Variants in HHLA1 observed in about 807,000 individuals in gnomAD.
HHLA1 encodes the protein HHLA1 neighbor of OC90.
A neutral mutation model predicts 69.9 loss-of-function variants in HHLA1; 72 were observed. The observed-to-expected ratio is 1.03, with a 90% confidence interval of 0.85 to 1.25. HHLA1 has a LOEUF of 1.25. Ranked by LOEUF, HHLA1 falls within the 50% of genes most tolerant of loss-of-function variation. The pLI is 0.00. For missense variants in HHLA1, 685 were observed against 642.2 expected (o/e 1.07, Z -0.72); for synonymous variants, 252 against 233.2 (o/e 1.08, Z -0.73).
intron 11 of HHLA1, 124 bp downstream of exon 11, chr8:132,079,594 G>T: frequency 9.4e-7 from 1 of 1,060,600 alleles, no homozygotes; most frequent in Non-Finnish European, 1.3e-6. Flanking sequence ...ATTTAAGTAA[G>T]CTGAAGCGTA....
At chr8:132,105,374 C>A in intron 1 of HHLA1, 88 bp from the exon 2 acceptor site, 1 of 854,034 alleles carries the variant, frequency 1.2e-6, no homozygotes, top group Non-Finnish European at 1.9e-6. Flanking sequence ...TCATTAAAAT[C>A]ACAATCTGAA....
chr8:132,095,406 G>A, intron 7 of HHLA1, 113 bp downstream of exon 7: 1 of 648,388 alleles, frequency 1.5e-6, no homozygotes, highest in Non-Finnish European at 2.7e-6. Flanking sequence ...ATGGTTAAGG[G>A]TAGTGGATAG....
chr8:132,104,752 A>G (rs556045318), intron 2 of HHLA1, among the ~76,000 whole-genome samples: 171 of 152,278 alleles, frequency 1.1e-3, no homozygotes, highest in Non-Finnish European at 1.3e-3. Context: ...CCTGAAAAGG[A>G]CCTGGTACAC....
chr8:132,083,200 A>G (rs6981108), intron 10 of HHLA1, among the ~76,000 whole-genome samples: 99,779 of 151,784 alleles, frequency 0.66, 33,012 homozygotes, highest in South Asian at 0.74. Flanking sequence ...TAGTTAAAGT[A>G]TCTCAGCCTA....
intron 15 of HHLA1, among the ~76,000 whole-genome samples, chr8:132,066,840 T>C (rs1823448709): frequency 6.6e-6 from 1 of 152,132 alleles, no homozygotes. Flanking sequence ...CCCCAAGGGA[T>C]TTCTGGTGGT....
Position 132,063,833 on chromosome 8 carries a change from G to C in HHLA1, c.*162C>G, listed in dbSNP as rs994236292. On this transcript the variant is annotated 3_prime_UTR_variant, in exon 17 of 17. Transcript: ENST00000414222. ...ATGTTTTGCACAGATTCACAGGAGA[G>C]GGAAAAAAAATGCTACTTCCAAGAA... The C allele has an allele frequency of 4.5e-5, 12 of 265,604 alleles. No individual in the cohort carries two copies. Among genetic ancestry groups the C allele is most frequent in the Non-Finnish European group, 8.6e-5 (11 of 128,172 alleles). The allele number at this position is 265,604 out of a possible 1,614,324, so 16.5% of individuals were successfully genotyped here. A position where few individuals can be genotyped will look rare whatever the true frequency, so the allele number is the denominator to read the frequency against.
intron 14 of HHLA1, among the ~76,000 whole-genome samples, chr8:132,074,895 G>T (rs965241818): frequency 1.3e-5 from 2 of 152,044 alleles, no homozygotes; most frequent in African/African-American, 4.8e-5. Flanking sequence ...TACCTATTAG[G>T]TAAGTAGATA....
At chr8:132,084,183 C>T (rs1185634513) in intron 10 of HHLA1, among the ~76,000 whole-genome samples, 11 of 151,906 alleles carry the variant, frequency 7.2e-5, no homozygotes, top group East Asian at 3.9e-4. Flanking sequence ...AGTCAGGGAA[C>T]GAAACTGTAA....
intron 5 of HHLA1, among the ~76,000 whole-genome samples, chr8:132,096,447 C>T (rs192943303): frequency 6.6e-6 from 1 of 152,316 alleles, no homozygotes; most frequent in Admixed American, 6.5e-5. Context: ...GTAGTATTCA[C>T]AGATTCTGGT....
intron 12 of HHLA1, among the ~76,000 whole-genome samples, chr8:132,077,516 G>A (rs747002417): frequency 5.3e-5 from 8 of 151,970 alleles, no homozygotes; most frequent in Non-Finnish European, 1.2e-4. Context: ...GAGGAACTGG[G>A]GAATGAAAGA....
In HHLA1 at chr8:132,064,020, A is replaced by G; in HGVS notation, c.1571T>C (p.Leu524Pro). Residue 524 changes from leucine to proline, a missense_variant, in exon 17 of 17, where the codon CTT (leucine) becomes CCT (proline). Coordinates refer to ENST00000414222, the MANE Select transcript of HHLA1 (RefSeq NM_001145095.3). ...TCACACAGACTTGCAGATATTCTCA[A>G]GGCACTTTTGCTTTAAGGCTGAAAA... ...SHSHTLKQKC[L>P]ENICKSV is the part of the protein sequence containing the mutation. 4.6e-6 allele frequency: 6 copies of G among 1,303,938 alleles called. 1 individual carries two copies. The South Asian group carries it at 7.4e-5, about 16-fold the overall frequency. The allele number at this position is 1,303,938 out of a possible 1,614,324, so 80.8% of individuals were successfully genotyped here.
In HHLA1 at chr8:132,077,907, C is replaced by G. The variant is rs571983359; in HGVS notation, c.990G>C (p.Ser330=). The change falls in exon 12 of 17, where the codon TCG becomes TCC. Residue 330 remains serine, a synonymous_variant. Transcript: ENST00000414222. The stretch of plus-strand genomic sequence containing the variant: ...TGATGGTCTGAGCCCAGGGCACGGA[C>G]GATATGGAAGCCCACGTCTGTCTGT... ...TADRQTWASI[S]SVPWAQTISE... 2.4e-5 allele frequency: 38 copies of G among 1,551,522 alleles called. No homozygotes were observed. Among genetic ancestry groups the G allele is most frequent in the Non-Finnish European group, 3.3e-5 (38 of 1,146,928 alleles).
rs1476783600 is a variant in HHLA1, at chr8:132,062,752, A to G, written c.*1243T>C. The G allele has an allele frequency of 6.6e-6, 1 of 152,264 alleles. No homozygotes were observed. Among genetic ancestry groups the G allele is most frequent in the Non-Finnish European group, 1.5e-5 (1 of 68,082 alleles). The allele number at this position is 152,264 out of a possible 1,614,324, so 9.4% of individuals were successfully genotyped here. On this transcript the variant is annotated 3_prime_UTR_variant, in exon 17 of 17. Coordinates refer to ENST00000414222, the MANE Select transcript of HHLA1 (RefSeq NM_001145095.3). ...GGCAAATCAGTATGTGGGGATGCAG[A>G]AGAAAGTTGACTCCACAGACGTACT...
At chr8:132,110,404 C>A (rs777751638) in intron 1 of HHLA1, among the ~76,000 whole-genome samples, 1 of 152,156 alleles carries the variant, frequency 6.6e-6, no homozygotes, top group Non-Finnish European at 1.5e-5. Context: ...AGTTTGGTTC[C>A]ATGGGCTGTG....
chr8:132,105,891 G>T (rs1398492309), intron 1 of HHLA1, among the ~76,000 whole-genome samples: 1 of 152,200 alleles, frequency 6.6e-6, no homozygotes, highest in Non-Finnish European at 1.5e-5. Flanking sequence ...ATAGGAATAT[G>T]TGTGTTCACA....
chr8:132,068,395 AAATGAACAAT>A (rs1249728034), intron 15 of HHLA1, among the ~76,000 whole-genome samples: 1 of 152,244 alleles, frequency 6.6e-6, no homozygotes, highest in African/African-American at 2.4e-5. Flanking sequence ...CTACAGTGAT[AAATGAACAAT>A]AGATAAATGC....
chr8:132,102,169 C>T (rs1824120612), intron 3 of HHLA1, among the ~76,000 whole-genome samples: 1 of 152,192 alleles, frequency 6.6e-6, no homozygotes, highest in South Asian at 2.1e-4. Context: ...TTGCATATGG[C>T]ACCGTTTTCT....
intron 3 of HHLA1, among the ~76,000 whole-genome samples, chr8:132,102,940 C>T (rs535447793): frequency 7.2e-4 from 109 of 152,058 alleles, no homozygotes; most frequent in Non-Finnish European, 1.2e-3. Flanking sequence ...GGATGTAATA[C>T]AGAGCATTTT....
At chr8:132,075,932 C>T (rs1027105435) in intron 14 of HHLA1, 123 bp downstream of exon 14, 5 of 689,392 alleles carry the variant, frequency 7.3e-6, no homozygotes, top group Middle Eastern at 2.5e-4. Context: ...AATGGCTGAG[C>T]TAAGATTTGA....
Sources: gnomAD v4.1 joint callset for allele counts (sites outside exome capture counted in the v4.1 genomes callset) on GRCh38, gnomAD v4.1.1 for gene constraint, MANE v1.5 for transcripts, NCBI Gene and HGNC (gene_info 2026-07-23, HGNC 2026-07-21) for gene names.